Variants in CXCR2 observed in about 807,000 individuals in gnomAD.
The protein encoded by CXCR2 is C-X-C chemokine receptor type 2.
In CXCR2, 2 loss-of-function variants were observed where a neutral mutation model predicts 3.7. The ratio of observed to expected loss-of-function variants is 0.55; its 90% CI spans 0.22 to 1.72. The LOEUF is 1.72. Among genes scored for constraint, CXCR2 ranks in the 40% most tolerant of loss-of-function variants. The probability of loss-of-function intolerance (pLI) is 0.19; values close to 1 mark genes in which losing one functional copy is unlikely to be tolerated. For missense variants in CXCR2, 351 were observed against 450.1 expected (o/e 0.78, Z 1.99); for synonymous variants, 203 against 193.3 (o/e 1.05, Z -0.41).
At chr2:218,131,690 C>T (rs62183917) in intron 2 of CXCR2, among the ~76,000 whole-genome samples, 1 of 151,636 alleles carries the variant, frequency 6.6e-6, no homozygotes, top group African/African-American at 2.4e-5. Context: ...AGGATGGTCT[C>T]GATCTCCTGA....
In CXCR2 at chr2:218,135,300, C is replaced by G. The variant is rs1376025306; in HGVS notation, c.499C>G (p.Leu167Val). ...QKRYLVKFIC[L>V]SIWGLSLLLA... ...GCGCTACTTGGTCAAATTCATATGT[C>G]TCAGCATCTGGGGTCTGTCCTTGCT... Residue 167 changes from leucine to valine, a missense_variant, in exon 3 of 3, where the codon CTC becomes GTC. Coordinates refer to ENST00000318507, the MANE Select transcript of CXCR2 (RefSeq NM_001557.4). This position sits in a 1 kb window ranked among gnomAD's most constrained non-coding sequence, Gnocchi z 4.0. 6.2e-7 allele frequency: 1 copy of G among 1,614,240 alleles called. No homozygotes were observed. Among genetic ancestry groups the G allele is most frequent in the South Asian group, 1.1e-5 (1 of 91,082 alleles).
In CXCR2 at chr2:218,135,255, A is replaced by G. The variant is rs1175824774; in HGVS notation, c.454A>G (p.Thr152Ala). ...CCGTTACCTGGCCATTGTCCATGCC[A>G]CACGCACACTGACCCAGAAGCGCTA... Reference protein sequence around the residue: ...VDRYLAIVHATRTLTQKRYLV... With the variant: ...VDRYLAIVHAARTLTQKRYLV... The change falls in exon 3 of 3, where the codon ACA becomes GCA. Residue 152 changes from threonine (T) to alanine (A), a missense_variant. Coordinates refer to ENST00000318507, the MANE Select transcript of CXCR2 (RefSeq NM_001557.4). This position sits in a 1 kb window ranked among gnomAD's most constrained non-coding sequence, Gnocchi z 4.0. The G allele has an allele frequency of 6.2e-7, 1 of 1,614,104 alleles. No homozygotes were observed. The highest frequency in any genetic ancestry group is 2.2e-5 in the East Asian group (1 of 44,900).
At chr2:218,131,604 G>C (rs904449211) in intron 2 of CXCR2, among the ~76,000 whole-genome samples, 3 of 151,710 alleles carry the variant, frequency 2.0e-5, no homozygotes, top group Non-Finnish European at 4.4e-5. Context: ...CGAGTAGCTG[G>C]GACCACAGGC....
intron 1 of CXCR2, among the ~76,000 whole-genome samples, chr2:218,127,549 A>T (rs1402743940): frequency 1.3e-5 from 2 of 152,192 alleles, no homozygotes; most frequent in Admixed American, 1.3e-4. Context: ...TCCCCTCTCT[A>T]CATCCTTTGT....
In CXCR2 at chr2:218,135,325, T is replaced by C; in HGVS notation, c.524T>C (p.Leu175Pro). The change falls in exon 3 of 3, where the codon CTC becomes CCC. Residue 175 changes from leucine (L) to proline (P), a missense_variant. By Grantham distance (98) the Leu-to-Pro change is moderately conservative (BLOSUM62 -3). Coordinates refer to ENST00000318507, the MANE Select transcript of CXCR2 (RefSeq NM_001557.4). This position sits in a 1 kb window ranked among gnomAD's most constrained non-coding sequence, Gnocchi z 4.0. ...ICLSIWGLSL[L>P]LALPVLLFRR... ...CTCAGCATCTGGGGTCTGTCCTTGC[T>C]CCTGGCCCTGCCTGTCTTACTTTTC... 2 of 1,614,198 alleles carry C rather than the reference T, an allele frequency of 1.2e-6. No individual in the cohort carries two copies. Among genetic ancestry groups the C allele is most frequent in the Non-Finnish European group, 1.7e-6 (2 of 1,180,044 alleles).
chr2:218,134,177 T>C (rs749933665), intron 2 of CXCR2, among the ~76,000 whole-genome samples: 9 of 152,242 alleles, frequency 5.9e-5, no homozygotes, highest in Admixed American at 4.6e-4. Context: ...AGCTTTATAG[T>C]CAAACCATGA....
chr2:218,135,015 G>T lies in CXCR2; in HGVS notation c.214G>T (p.Val72Phe). The T allele has an allele frequency of 6.2e-7, 1 of 1,614,190 alleles. No individual in the cohort carries two copies. Among genetic ancestry groups the T allele is most frequent in the African/African-American group, 1.3e-5 (1 of 75,042 alleles). ...GCTGGGAAACTCCCTCGTGATGCTG[G>T]TCATCTTATACAGCAGGGTCGGCCG... ...SLLGNSLVML[V>F]ILYSRVGRSV... Residue 72 changes from valine to phenylalanine, a missense_variant, in exon 3 of 3, where the codon GTC becomes TTC. Physicochemically the swap from Val to Phe is conservative, Grantham distance 50. Transcript: ENST00000318507. This position sits in a 1 kb window ranked among gnomAD's most constrained non-coding sequence, Gnocchi z 4.0.
In CXCR2 at chr2:218,134,959, T is replaced by G. The variant is rs745318598; in HGVS notation, c.158T>G (p.Ile53Ser). ...SLEINKYFVV[I>S]IYALVFLLSL... Reference sequence around the variant, plus strand: ...GAAATCAACAAGTATTTTGTGGTCATTATCTATGCCCTGGTATTCCTGCTG... The same window carrying G: ...GAAATCAACAAGTATTTTGTGGTCAGTATCTATGCCCTGGTATTCCTGCTG... Residue 53 changes from isoleucine to serine, a missense_variant, in exon 3 of 3, where the codon ATT (isoleucine) becomes AGT (serine). Transcript: ENST00000318507. 1.9e-6 allele frequency: 3 copies of G among 1,614,088 alleles called. No homozygotes were observed. Among genetic ancestry groups the G allele is most frequent in the Admixed American group, 3.3e-5 (2 of 60,006 alleles).
chr2:218,130,586 C>T (rs1690618482), intron 2 of CXCR2, among the ~76,000 whole-genome samples: 1 of 152,172 alleles, frequency 6.6e-6, no homozygotes, highest in Admixed American at 6.5e-5. Context: ...TGATCGCAGG[C>T]TGGTTACTGA....
chr2:218,134,795 C>T lies in CXCR2; in HGVS notation c.-7C>T, dbSNP rs201205999. ...TCTATAGGTCAGGATTTAAGTTTACCTCAAAAATGGAAGATTTTAACATGG... is the reference window on the plus strand; with the variant it reads ...TCTATAGGTCAGGATTTAAGTTTACTTCAAAAATGGAAGATTTTAACATGG... On this transcript the variant is annotated 5_prime_UTR_variant, in exon 3 of 3. Transcript: ENST00000318507. 3.7e-5 allele frequency: 59 copies of T among 1,609,796 alleles called. No individual in the cohort carries two copies. Among genetic ancestry groups the T allele is most frequent in the Non-Finnish European group, 4.7e-5 (55 of 1,177,078 alleles).
rs917913489 is a variant in CXCR2 at position 218,129,301 on chromosome 2, C to T, written c.-77-13C>T. The T allele has an allele frequency of 2.0e-5, 3 of 152,374 alleles. No individual in the cohort carries two copies. Among genetic ancestry groups the T allele is most frequent in the Non-Finnish European group, 4.4e-5 (3 of 68,074 alleles). The allele number at this position is 152,374 out of a possible 1,614,324, so 9.4% of individuals were successfully genotyped here. Reference sequence around the variant, plus strand: ...TCCTCCACTGTGTTCTCACCACCACCTCCCTTTCATAGGTCACAGCTGCTC... The same window carrying T: ...TCCTCCACTGTGTTCTCACCACCACTTCCCTTTCATAGGTCACAGCTGCTC... On this transcript the variant is annotated splice_polypyrimidine_tract_variant and intron_variant, in intron 1 of 2. Coordinates refer to ENST00000318507, the MANE Select transcript of CXCR2 (RefSeq NM_001557.4).
chr2:218,127,688 A>C (rs1346345323), intron 1 of CXCR2, among the ~76,000 whole-genome samples: 1 of 152,152 alleles, frequency 6.6e-6, no homozygotes, highest in Non-Finnish European at 1.5e-5. Flanking sequence ...TTTAAACTGA[A>C]AACCTAGTTC....
rs201280885 is a variant in CXCR2, at chr2:218,135,881, C to A, written c.1080C>A (p.Leu360=). The part of the protein sequence containing the change: ...GSSSGHTSTT[L] ...CTTCAGGGCACACTTCCACTACTCT[C>A]TAAGACCTCCTGCCTAAGTGCAGCC... Residue 360 remains leucine (L), a synonymous_variant, in exon 3 of 3, where the codon CTC becomes CTA. Transcript: ENST00000318507. This position sits in a 1 kb window ranked among gnomAD's most constrained non-coding sequence, Gnocchi z 4.0. 3.7e-5 allele frequency: 59 copies of A among 1,603,986 alleles called. No homozygotes were observed. The African/African-American group carries it at 7.4e-4, about 20-fold the overall frequency.
chr2:218,129,806 T>C (rs900919146), intron 2 of CXCR2, among the ~76,000 whole-genome samples: 4 of 152,224 alleles, frequency 2.6e-5, no homozygotes, highest in African/African-American at 9.6e-5. Context: ...GCCTTAGATG[T>C]TTGAGATCTT....
At chr2:218,133,739 C>T (rs1022952028) in intron 2 of CXCR2, among the ~76,000 whole-genome samples, 3 of 152,240 alleles carry the variant, frequency 2.0e-5, no homozygotes, top group Non-Finnish European at 4.4e-5. Context: ...GATGGAGGCA[C>T]ACACATGCAG....
In CXCR2 at chr2:218,135,026, C is replaced by T. The variant is rs753962612; in HGVS notation, c.225C>T (p.Tyr75=). ...GNSLVMLVIL[Y]SRVGRSVTDV... ...CCCTCGTGATGCTGGTCATCTTATACAGCAGGGTCGGCCGCTCCGTCACTG... is the reference window on the plus strand; with the variant it reads ...CCCTCGTGATGCTGGTCATCTTATATAGCAGGGTCGGCCGCTCCGTCACTG... Residue 75 remains tyrosine, a synonymous_variant, in exon 3 of 3, where the codon TAC becomes TAT. Coordinates refer to ENST00000318507, the MANE Select transcript of CXCR2 (RefSeq NM_001557.4). This position sits in a 1 kb window ranked among gnomAD's most constrained non-coding sequence, Gnocchi z 4.0. 3 of 1,614,224 alleles carry T rather than the reference C, an allele frequency of 1.9e-6. No homozygotes were observed. The highest frequency in any genetic ancestry group is 1.3e-5 in the African/African-American group (1 of 75,052).
intron 2 of CXCR2, among the ~76,000 whole-genome samples, chr2:218,131,903 T>C (rs907338068): frequency 6.6e-6 from 1 of 152,008 alleles, no homozygotes; most frequent in Admixed American, 6.6e-5. Context: ...AGGAAGGTGA[T>C]GGCTAAGAAT....
chr2:218,132,233 T>C (rs748188436), intron 2 of CXCR2, among the ~76,000 whole-genome samples: 1 of 152,170 alleles, frequency 6.6e-6, no homozygotes, highest in Non-Finnish European at 1.5e-5. Flanking sequence ...AACTCCGTAG[T>C]CATTAACATT....
At chr2:218,131,497 G>T (rs1345070044) in intron 2 of CXCR2, among the ~76,000 whole-genome samples, 16 of 142,092 alleles carry the variant, frequency 1.1e-4, no homozygotes, top group Admixed American at 3.6e-4. Flanking sequence ...TTGAGACGGA[G>T]TCTCCTCTGT....
Sources: gnomAD v4.1 joint callset for allele counts (sites outside exome capture counted in the v4.1 genomes callset) on GRCh38, gnomAD v4.1.1 for gene constraint, Gnocchi (gnomAD v3.1) non-coding constraint, MANE v1.5 for transcripts, NCBI Gene and HGNC (gene_info 2026-07-23, HGNC 2026-07-21) for gene names.